Variants in ISG20 observed in about 807,000 individuals in gnomAD.
ISG20 encodes interferon-stimulated gene 20 kDa protein.
In ISG20, 8 loss-of-function variants were observed where a neutral mutation model predicts 11.1. The observed-to-expected ratio is 0.72, with a 90% CI of 0.42 to 1.30. The LOEUF is 1.30. Ranked by LOEUF, ISG20 falls within the 50% of genes most tolerant of loss-of-function variation. The pLI is 0.01. For missense variants in ISG20, 243 were observed against 250.2 expected, an observed-to-expected ratio of 0.97 and a Z score of 0.19; for synonymous variants, 110 against 101.7, an observed-to-expected ratio of 1.08 and a Z score of -0.49.
intron 2 of ISG20, chr15:88,647,239 C>T (rs906123024): frequency 3.3e-5 from 5 of 152,078 alleles, no homozygotes; most frequent in African/African-American, 1.2e-4. Context: ...AGTGGGACCC[C>T]CCCCCCACTC....
intron 2 of ISG20, among the ~76,000 whole-genome samples, chr15:88,641,159 AT>A (rs958261065): frequency 6.6e-6 from 1 of 151,514 alleles, no homozygotes; most frequent in South Asian, 2.1e-4. Flanking sequence ...TGCCCGGCTA[AT>A]TTTTTTTGCA....
Position 88,639,783 on chromosome 15 carries a change from ACT to A in ISG20, c.228+191_228+192del, listed in dbSNP as rs1364119762. Among the ~76,000 whole-genome samples, 1 of 152,170 alleles carries A rather than the reference ACT, an allele frequency of 6.6e-6. No individual in the cohort carries two copies. The highest frequency in any genetic ancestry group is 1.9e-4 in the East Asian group (1 of 5,180). On this transcript the variant is annotated intron_variant, in intron 2 of 3. Transcript: ENST00000306072. The surrounding 1 kb of genome is among the most constrained non-coding windows in gnomAD (Gnocchi z 4.2). ...GCTTCCTGTCTTCAGAGAACCATAG[ACT>A]CACATCTGGAAGCCGCCTTTGGGGC...
In ISG20 at chr15:88,652,316, A is replaced by G; in HGVS notation, c.429+6A>G. The G allele has an allele frequency of 6.2e-7, 1 of 1,604,684 alleles. No homozygotes were observed. The highest frequency in any genetic ancestry group is 8.5e-7 in the Non-Finnish European group (1 of 1,175,640). On this transcript the variant is annotated splice_donor_region_variant and intron_variant, in intron 3 of 3. Transcript: ENST00000306072. ...TCCTACACAAGAGCATCCAGGTGAG[A>G]ACCTCCTCGTCCTTCTCCTCCTCCC... is the stretch of plus-strand genomic sequence containing the variant.
intron 3 of ISG20, among the ~76,000 whole-genome samples, chr15:88,653,555 C>G (rs1447606151): frequency 6.6e-6 from 1 of 152,148 alleles, no homozygotes. Flanking sequence ...TCCTGGAGCC[C>G]TTGCCGCTCT....
Position 88,639,307 on chromosome 15 carries a change from C to T in ISG20, c.-24-36C>T, listed in dbSNP as rs2058038926. Reference sequence around the variant, plus strand: ...AGGACACCTGGAGGCTTGGTTTGCCCAAGCGTGAGACCGCCCCCCATACCC... The same window carrying T: ...AGGACACCTGGAGGCTTGGTTTGCCTAAGCGTGAGACCGCCCCCCATACCC... On this transcript the variant is annotated intron_variant, in intron 1 of 3. Coordinates refer to ENST00000306072, the MANE Select transcript of ISG20 (RefSeq NM_002201.6). The surrounding 1 kb of genome is among the most constrained non-coding windows in gnomAD (Gnocchi z 4.2). 1 of 1,378,316 alleles carries T rather than the reference C, an allele frequency of 7.3e-7. No homozygotes were observed. The highest frequency in any genetic ancestry group is 1.4e-5 in the African/African-American group (1 of 69,424). The allele number at this position is 1,378,316 out of a possible 1,614,324, so 85.4% of individuals were successfully genotyped here. A position where few individuals can be genotyped will look rare whatever the true frequency, so the allele number is the denominator to read the frequency against.
chr15:88,644,583 G>A (rs544891162), intron 2 of ISG20, among the ~76,000 whole-genome samples: 1 of 151,906 alleles, frequency 6.6e-6, no homozygotes, highest in South Asian at 2.1e-4. Flanking sequence ...GAGGCCCTAG[G>A]GAGCAGTTAC....
chr15:88,638,270 C>T (rs558752922), upstream of ISG20, among the ~76,000 whole-genome samples: 1 of 152,264 alleles, frequency 6.6e-6, no homozygotes, highest in East Asian at 1.9e-4. Context: ...TCTTTTTGCC[C>T]CAGTTGTAAC....
In ISG20 at chr15:88,643,054, T is replaced by A. The variant is rs1255164480; in HGVS notation, c.228+3460T>A. 6.6e-6 allele frequency among the ~76,000 whole-genome samples: 1 copy of A among 151,782 alleles called. No individual in the cohort carries two copies. The highest frequency in any genetic ancestry group is 1.5e-5 in the Non-Finnish European group (1 of 67,972). On this transcript the variant is annotated intron_variant, in intron 2 of 3. Coordinates refer to ENST00000306072, the MANE Select transcript of ISG20 (RefSeq NM_002201.6). The surrounding 1 kb of genome is among the most constrained non-coding windows in gnomAD (Gnocchi z 4.4). ...GCCTGGGCAAGATGGTGAGATCTCCTCTACAAAAAAAATAAATAAATAAAA... is the reference window on the plus strand; with the variant it reads ...GCCTGGGCAAGATGGTGAGATCTCCACTACAAAAAAAATAAATAAATAAAA...
intron 3 of ISG20, 73 bp downstream of exon 3, chr15:88,652,383 TTCCTCCCCC>T: frequency 6.0e-6 from 2 of 335,826 alleles, no homozygotes; most frequent in Admixed American, 4.7e-5. Context: ...CCATCTCCAT[TTCCTCCCCC>T]TCCTCCCCCT....
intron 3 of ISG20, among the ~76,000 whole-genome samples, chr15:88,653,641 G>A (rs1384723282): frequency 1.3e-5 from 2 of 152,120 alleles, no homozygotes; most frequent in Admixed American, 6.6e-5. Flanking sequence ...ATTAAGCCTG[G>A]TTGTTCCAGA....
chr15:88,644,986 A>C (rs1406410761), intron 2 of ISG20, among the ~76,000 whole-genome samples: 7 of 152,230 alleles, frequency 4.6e-5, no homozygotes, highest in Non-Finnish European at 1.5e-5. Flanking sequence ...TGGACGCCTC[A>C]GTCTTCATCC....
rs2058047797 is a variant in ISG20, at chr15:88,639,595, G to T, written c.228+1G>T. 2 of 1,612,544 alleles carry T rather than the reference G, an allele frequency of 1.2e-6. No individual in the cohort carries two copies. On this transcript the variant is annotated splice_donor_variant, in intron 2 of 3. Transcript: ENST00000306072. LOFTEE classifies it high-confidence loss of function. The surrounding 1 kb of genome is among the most constrained non-coding windows in gnomAD (Gnocchi z 4.2). ...ACCATTTGCCGTGGCCAGGCTAGAG[G>T]TGAGTGAAGGCCCGGCCAGCAGGGG... is the stretch of plus-strand genomic sequence containing the variant.
chr15:88,652,242 A>C lies in ISG20; in HGVS notation c.361A>C (p.Lys121Gln). 1 of 1,613,884 alleles carries C rather than the reference A, an allele frequency of 6.2e-7. No homozygotes were observed. The highest frequency in any genetic ancestry group is 1.6e-4 in the Middle Eastern group (1 of 6,062). ...TGACAGGCTGTTGTGGCGTGAGGCC[A>C]AGCTGGACCACTGCAGGCGTGTCTC... ...STDRLLWREA[K>Q]LDHCRRVSLR... The change falls in exon 3 of 4, where the codon AAG (lysine) becomes CAG (glutamine). Residue 121 changes from lysine to glutamine, a missense_variant. Coordinates refer to ENST00000306072, the MANE Select transcript of ISG20 (RefSeq NM_002201.6).
At chr15:88,646,602 T>C (rs118119855) in intron 2 of ISG20, among the ~76,000 whole-genome samples, 3,174 of 152,286 alleles carry the variant, frequency 0.021, 52 homozygotes, top group Non-Finnish European at 0.032. Flanking sequence ...ATCCCATTTA[T>C]CATCCATAAT....
At position 88,650,408 on chromosome 15, in the gene ISG20, G is replaced by T; in HGVS notation, c.229-1702G>T. The stretch of plus-strand genomic sequence containing the variant: ...CCTGGAGTGGTCGTTCACTCTTCTG[G>T]CTCAGTGTGGCAGTGGCAGGCGGGC... On this transcript the variant is annotated intron_variant, in intron 2 of 3. Transcript: ENST00000306072. The surrounding 1 kb of genome is among the most constrained non-coding windows in gnomAD (Gnocchi z 4.0). 6.6e-7 allele frequency: 1 copy of T among 1,511,930 alleles called. No individual in the cohort carries two copies. Among genetic ancestry groups the T allele is most frequent in the Non-Finnish European group, 8.8e-7 (1 of 1,133,946 alleles). 93.7% of individuals were successfully genotyped at this position (1,511,930 alleles called of 1,614,324 possible). A position where few individuals can be genotyped will look rare whatever the true frequency, so the allele number is the denominator to read the frequency against.
chr15:88,639,465 C>T lies in ISG20; in HGVS notation c.99C>T (p.Val33=), dbSNP rs1226090468. 6.2e-7 allele frequency: 1 copy of T among 1,614,146 alleles called. No homozygotes were observed. The highest frequency in any genetic ancestry group is 8.5e-7 in the Non-Finnish European group (1 of 1,179,996). Residue 33 remains valine (V), a synonymous_variant, in exon 2 of 4, where the codon GTC becomes GTT. Coordinates refer to ENST00000306072, the MANE Select transcript of ISG20 (RefSeq NM_002201.6). This position sits in a 1 kb window ranked among gnomAD's most constrained non-coding sequence, Gnocchi z 4.2. ...SGLARCSLVN[V]HGAVLYDKFI... The stretch of plus-strand genomic sequence containing the variant: ...TGGCTCGTTGCAGCCTCGTGAACGT[C>T]CACGGTGCTGTGCTGTACGACAAGT...
rs550358709 is a variant in ISG20, at chr15:88,651,766, A to G, written c.229-344A>G. 76 of 1,072,338 alleles carry G rather than the reference A, an allele frequency of 7.1e-5. 1 individual carries two copies. In the African/African-American group the frequency reaches 1.1e-3, roughly 15 times the overall value. The allele number at this position is 1,072,338 out of a possible 1,614,324, so 66.4% of individuals were successfully genotyped here. A position where few individuals can be genotyped will look rare whatever the true frequency, so the allele number is the denominator to read the frequency against. On this transcript the variant is annotated intron_variant, in intron 2 of 3. Coordinates refer to ENST00000306072, the MANE Select transcript of ISG20 (RefSeq NM_002201.6). ...TTGGGAGGTCATTATTCTGCCTGCC[A>G]TAATAGAATTGTTGGGAAGATTAAA...
intron 3 of ISG20, among the ~76,000 whole-genome samples, chr15:88,652,782 T>C (rs1006150404): frequency 6.7e-6 from 1 of 149,776 alleles, no homozygotes; most frequent in Non-Finnish European, 1.5e-5. Flanking sequence ...TTGCTTTTGT[T>C]GTTGAAATCA....
chr15:88,643,072 A>C lies in ISG20; in HGVS notation c.228+3478A>C, dbSNP rs997791833. Among the ~76,000 whole-genome samples, 1 of 152,026 alleles carries C rather than the reference A, an allele frequency of 6.6e-6. No individual in the cohort carries two copies. The highest frequency in any genetic ancestry group is 1.5e-5 in the Non-Finnish European group (1 of 68,022). On this transcript the variant is annotated intron_variant, in intron 2 of 3. Transcript: ENST00000306072. The surrounding 1 kb of genome is among the most constrained non-coding windows in gnomAD (Gnocchi z 4.4). ...GATCTCCTCTACAAAAAAAATAAATAAATAAAATAAAAATTAGCCAGACAT... is the reference window on the plus strand; with the variant it reads ...GATCTCCTCTACAAAAAAAATAAATCAATAAAATAAAAATTAGCCAGACAT...
Sources: gnomAD v4.1 joint callset for allele counts (sites outside exome capture counted in the v4.1 genomes callset) on GRCh38, gnomAD v4.1.1 for gene constraint, Gnocchi (gnomAD v3.1) non-coding constraint, MANE v1.5 for transcripts, NCBI Gene and HGNC (gene_info 2026-07-23, HGNC 2026-07-21) for gene names.